PTPRD: variants seen among roughly 807,000 people sequenced by gnomAD.
The protein encoded by PTPRD is protein tyrosine phosphatase receptor type D.
A neutral mutation model predicts 214.5 loss-of-function variants in PTPRD; 34 were observed. That is an observed-to-expected ratio of 0.16 (90% CI 0.12 to 0.21). PTPRD has a LOEUF of 0.21. PTPRD is among the 10% of genes least tolerant of loss of function. The probability of loss-of-function intolerance (pLI) is 1.00; values close to 1 mark genes in which losing one functional copy is unlikely to be tolerated. For synonymous variants in PTPRD, 1,128 were observed against 845.7 expected (o/e 1.33, Z -5.79); for missense variants, 2,545 against 2,398.7 (o/e 1.06, Z -1.27).
intron 2 of PTPRD, among the ~76,000 whole-genome samples, chr9:10,473,700 TAAATG>T (rs2099045460): frequency 6.6e-6 from 1 of 152,014 alleles, no homozygotes; most frequent in Non-Finnish European, 1.5e-5. Flanking sequence ...CAGAAATAAA[TAAATG>T]AAAGTGTTCA....
intron 5 of PTPRD, among the ~76,000 whole-genome samples, chr9:9,927,265 C>T (rs183443403): frequency 6.6e-5 from 10 of 152,224 alleles, no homozygotes; most frequent in African/African-American, 1.2e-4. Context: ...ACTCTTCGGG[C>T]GAACACTTAA....
chr9:9,656,281 G>A (rs2096510845), intron 7 of PTPRD, among the ~76,000 whole-genome samples: 2 of 152,126 alleles, frequency 1.3e-5, no homozygotes, highest in African/African-American at 4.8e-5. Flanking sequence ...AAAATGCGTT[G>A]AAAACTTATG....
At chr9:10,361,886 G>T (rs139970978) in intron 2 of PTPRD, among the ~76,000 whole-genome samples, 2 of 152,184 alleles carry the variant, frequency 1.3e-5, no homozygotes, top group Admixed American at 1.3e-4. Flanking sequence ...CATGAGCAAG[G>T]CTCAGAGCAA....
intron 3 of PTPRD, among the ~76,000 whole-genome samples, chr9:10,208,265 A>G (rs1298874948): frequency 3.9e-5 from 6 of 152,262 alleles, no homozygotes; most frequent in Non-Finnish European, 5.9e-5. Flanking sequence ...CCGTAATCCC[A>G]GCACTTTGGG....
chr9:9,760,163 T>C (rs990095713), intron 6 of PTPRD, among the ~76,000 whole-genome samples: 9 of 152,156 alleles, frequency 5.9e-5, no homozygotes, highest in Admixed American at 1.3e-4. Flanking sequence ...TTCTAGATTG[T>C]AGCCTCAGCA....
At chr9:9,911,675 T>A (rs2079223777) in intron 5 of PTPRD, among the ~76,000 whole-genome samples, 2 of 152,130 alleles carry the variant, frequency 1.3e-5, no homozygotes, top group Admixed American at 6.5e-5. Context: ...TAAACTTTCA[T>A]AACATTCAAA....
At chr9:9,365,153 C>T (rs2057504938) in intron 9 of PTPRD, among the ~76,000 whole-genome samples, 1 of 151,400 alleles carries the variant, frequency 6.6e-6, no homozygotes, top group African/African-American at 2.4e-5. Context: ...GCAGAGAGGA[C>T]AAATACAAAA....
At chr9:9,915,276 C>T (rs1227852232) in intron 5 of PTPRD, among the ~76,000 whole-genome samples, 1 of 151,946 alleles carries the variant, frequency 6.6e-6, no homozygotes, top group Non-Finnish European at 1.5e-5. Context: ...AACTAGATTA[C>T]TTTTCTACCA....
intron 11 of PTPRD, among the ~76,000 whole-genome samples, chr9:8,777,660 C>T (rs928998943): frequency 1.3e-5 from 2 of 152,066 alleles, no homozygotes; most frequent in Non-Finnish European, 2.9e-5. Context: ...AAATAAATGA[C>T]ACATCTGTAA....
intron 2 of PTPRD, among the ~76,000 whole-genome samples, chr9:10,523,160 G>T (rs946474947): frequency 6.6e-6 from 1 of 151,808 alleles, no homozygotes; most frequent in African/African-American, 2.4e-5. Flanking sequence ...TAGAACATTT[G>T]GGAAATATAC....
At chr9:10,512,164 G>A (rs896214831) in intron 2 of PTPRD, among the ~76,000 whole-genome samples, 29 of 98,772 alleles carry the variant, frequency 2.9e-4, no homozygotes, top group Admixed American at 2.0e-3. Flanking sequence ...AAGATAGGCT[G>A]TTAGATGTAG....
At chr9:10,571,241 G>C (rs1336621010) in intron 2 of PTPRD, among the ~76,000 whole-genome samples, 2 of 152,046 alleles carry the variant, frequency 1.3e-5, no homozygotes, top group African/African-American at 4.8e-5. Context: ...GGTTTCAGTA[G>C]ATACGAAGAA....
chr9:9,446,855 G>A (rs1187493307), intron 8 of PTPRD, among the ~76,000 whole-genome samples: 1 of 151,984 alleles, frequency 6.6e-6, no homozygotes, highest in Non-Finnish European at 1.5e-5. Context: ...TTGGGCAAAG[G>A]ACATGAACAG....
intron 8 of PTPRD, among the ~76,000 whole-genome samples, chr9:9,454,262 A>AT (rs908533646): frequency 2.6e-5 from 4 of 151,614 alleles, no homozygotes; most frequent in African/African-American, 9.7e-5. Context: ...GCTTTTACCC[A>AT]TTTTCTTGAG....
At chr9:9,630,727 G>C (rs1164923125) in intron 7 of PTPRD, among the ~76,000 whole-genome samples, 1 of 151,956 alleles carries the variant, frequency 6.6e-6, no homozygotes, top group African/African-American at 2.4e-5. Flanking sequence ...TCAATAAATT[G>C]ATTTTATAAT....
chr9:8,698,576 T>G (rs978405750), intron 12 of PTPRD, among the ~76,000 whole-genome samples: 2 of 152,214 alleles, frequency 1.3e-5, no homozygotes, highest in African/African-American at 4.8e-5. Flanking sequence ...CTATTTAGTT[T>G]CCTACAAAAC....
At chr9:9,601,109 ATATGTGTGTGTGTG>A (rs1563975855) in intron 7 of PTPRD, among the ~76,000 whole-genome samples, 1 of 102,052 alleles carries the variant, frequency 9.8e-6, no homozygotes, top group Non-Finnish European at 2.1e-5. Context: ...AGAGATTAAT[ATATGTGTGTGTGTG>A]TGTGTGTGTG....
intron 2 of PTPRD, among the ~76,000 whole-genome samples, chr9:10,544,746 G>C (rs989435038): frequency 6.6e-6 from 1 of 152,156 alleles, no homozygotes; most frequent in East Asian, 1.9e-4. Context: ...AACAAATGCA[G>C]CTTGAAAATA....
chr9:9,923,123 G>GTGGGGT, intron 5 of PTPRD, among the ~76,000 whole-genome samples: 1 of 145,058 alleles, frequency 6.9e-6, no homozygotes, highest in East Asian at 2.0e-4. Flanking sequence ...GTGTGTGGGG[G>GTGGGGT]GTGTGTGTGT....
Sources: gnomAD v4.1 joint callset for allele counts (sites outside exome capture counted in the v4.1 genomes callset) on GRCh38, gnomAD v4.1.1 for gene constraint, MANE v1.5 for transcripts, NCBI Gene and HGNC (gene_info 2026-07-23, HGNC 2026-07-21) for gene names.